The following RMST variants were observed in gnomAD, a reference collection of about 807,000 sequenced individuals.
RMST encodes long intergenic non-protein coding RNA 54.
At chr12:97,510,676 A>G (rs751152972) in intron 10 of RMST, among the ~76,000 whole-genome samples, 3 of 152,216 alleles carry the variant, frequency 2.0e-5, no homozygotes, top group Non-Finnish European at 4.4e-5. Context: ...TTGATCACAT[A>G]GGGAGTTACT....
intron 10 of RMST, among the ~76,000 whole-genome samples, chr12:97,498,178 A>AC (rs75820058): frequency 0.18 from 28,019 of 152,102 alleles, 4,966 homozygotes; most frequent in African/African-American, 0.46. Flanking sequence ...CTATTCTGTT[A>AC]GATTATTTTA....
chr12:97,536,107 T>C (rs1057282995), intron 11 of RMST, among the ~76,000 whole-genome samples: 6 of 151,572 alleles, frequency 4.0e-5, no homozygotes, highest in Non-Finnish European at 8.9e-5. Context: ...TGTTGATAAA[T>C]GTGTCTCTGT....
intron 10 of RMST, among the ~76,000 whole-genome samples, chr12:97,522,827 A>C (rs993156683): frequency 6.6e-6 from 1 of 152,186 alleles, no homozygotes; most frequent in Non-Finnish European, 1.5e-5. Context: ...AGCCTGAAAA[A>C]ACAAAACATC....
At chr12:97,491,845 G>T (rs1876854540) in intron 5 of RMST, 3 of 481,438 alleles carry the variant, frequency 6.2e-6, no homozygotes, top group South Asian at 1.5e-5. Flanking sequence ...CAAATGTTCA[G>T]TAATTTCATT....
intron 5 of RMST, among the ~76,000 whole-genome samples, chr12:97,476,920 G>A (rs1209591111): frequency 2.0e-5 from 3 of 152,296 alleles, no homozygotes; most frequent in African/African-American, 4.8e-5. Flanking sequence ...AGAATGGTGT[G>A]TACTTCAGAA....
At chr12:97,559,050 AG>A (rs1278314893) in intron 11 of RMST, among the ~76,000 whole-genome samples, 1 of 152,056 alleles carries the variant, frequency 6.6e-6, no homozygotes, top group Non-Finnish European at 1.5e-5. Flanking sequence ...GACACAAGAA[AG>A]GCAGCATGGT....
chr12:97,513,573 A>C (rs575579827), intron 10 of RMST, among the ~76,000 whole-genome samples: 37 of 152,320 alleles, frequency 2.4e-4, no homozygotes, highest in African/African-American at 8.7e-4. Context: ...ATTTAACCCT[A>C]AACAAATCTG....
intron 5 of RMST, among the ~76,000 whole-genome samples, chr12:97,483,759 T>C (rs1466533010): frequency 6.6e-6 from 1 of 152,218 alleles, no homozygotes; most frequent in South Asian, 2.1e-4. Context: ...CCCAGAAGTA[T>C]TAATTGATTC....
At chr12:97,563,994 T>A in intron 13 of RMST, 2 of 402,592 alleles carry the variant, frequency 5.0e-6, no homozygotes, top group Non-Finnish European at 1.0e-5. Context: ...AGTGTATAGC[T>A]CTGCTACCTG....
At chr12:97,523,749 T>C (rs1035141708) in intron 10 of RMST, among the ~76,000 whole-genome samples, 2 of 152,112 alleles carry the variant, frequency 1.3e-5, no homozygotes, top group African/African-American at 4.8e-5. Flanking sequence ...TTAAGTGCTG[T>C]TCAGCAAGGT....
intron 10 of RMST, among the ~76,000 whole-genome samples, chr12:97,503,224 C>A (rs1368539902): frequency 1.3e-5 from 2 of 152,212 alleles, no homozygotes; most frequent in African/African-American, 4.8e-5. Context: ...AACAGGCTCC[C>A]AACTTTTAAA....
At chr12:97,550,928 T>G (rs952349160) in intron 11 of RMST, among the ~76,000 whole-genome samples, 2 of 152,168 alleles carry the variant, frequency 1.3e-5, no homozygotes, top group African/African-American at 2.4e-5. Context: ...AGCTTACATA[T>G]ATAACCTCTA....
At chr12:97,471,536 GA>G (rs1459860062) in intron 5 of RMST, among the ~76,000 whole-genome samples, 2 of 152,126 alleles carry the variant, frequency 1.3e-5, no homozygotes, top group African/African-American at 4.8e-5. Flanking sequence ...TTCCAGAAAT[GA>G]ACTGTGCTCC....
At chr12:97,473,977 G>A (rs1188549698) in intron 5 of RMST, among the ~76,000 whole-genome samples, 1 of 152,026 alleles carries the variant, frequency 6.6e-6, no homozygotes, top group Non-Finnish European at 1.5e-5. Flanking sequence ...GTAGAAAAAA[G>A]AGCCTTGACT....
intron 11 of RMST, among the ~76,000 whole-genome samples, chr12:97,545,002 A>G (rs1408927764): frequency 6.6e-6 from 1 of 152,156 alleles, no homozygotes; most frequent in Admixed American, 6.6e-5. Flanking sequence ...AACATATTCA[A>G]TACGTTGGAA....
At chr12:97,502,890 T>C (rs963076735) in intron 10 of RMST, among the ~76,000 whole-genome samples, 1 of 152,206 alleles carries the variant, frequency 6.6e-6, no homozygotes, top group Non-Finnish European at 1.5e-5. Context: ...AACACTTATA[T>C]TGATATTCTT....
intron 11 of RMST, among the ~76,000 whole-genome samples, chr12:97,546,464 C>A (rs775158316): frequency 3.9e-5 from 6 of 152,014 alleles, no homozygotes; most frequent in Non-Finnish European, 7.4e-5. Context: ...CACTTCTAAT[C>A]CCAGCTACTT....
chr12:97,475,613 T>C (rs191189047), intron 5 of RMST, among the ~76,000 whole-genome samples: 228 of 149,674 alleles, frequency 1.5e-3, no homozygotes, highest in Middle Eastern at 0.01. Flanking sequence ...ATTTCCCACA[T>C]GTCAGGCATC....
intron 10 of RMST, among the ~76,000 whole-genome samples, chr12:97,517,251 T>C (rs1880030439): frequency 6.6e-6 from 1 of 151,880 alleles, no homozygotes; most frequent in African/African-American, 2.4e-5. Context: ...GAAGCCAGCT[T>C]CTCCTTCACA....
Sources: gnomAD v4.1 joint callset for allele counts (sites outside exome capture counted in the v4.1 genomes callset) on GRCh38, gnomAD v4.1.1 for gene constraint, MANE v1.5 for transcripts, NCBI Gene and HGNC (gene_info 2026-07-23, HGNC 2026-07-21) for gene names.